SLC24A4: variants seen among roughly 807,000 people sequenced by gnomAD.
SLC24A4 encodes the protein sodium/potassium/calcium exchanger 4.
Under a neutral mutation model 79.0 loss-of-function variants are expected in SLC24A4, and 53 were observed. The observed-to-expected ratio is 0.67, with a 90% confidence interval of 0.54 to 0.84. SLC24A4 has a LOEUF of 0.84. Ranked by LOEUF, SLC24A4 falls within the 40% of genes least tolerant of loss-of-function variation. The pLI is 0.00. For missense variants in SLC24A4, 731 were observed against 822.0 expected (o/e 0.89, Z 1.35); for synonymous variants, 323 against 323.8 (o/e 1.00, Z 0.03).
At chr14:92,325,204 C>T (rs1002119321) in intron 1 of SLC24A4, among the ~76,000 whole-genome samples, 4 of 152,186 alleles carry the variant, frequency 2.6e-5, no homozygotes, top group Non-Finnish European at 5.9e-5. Context: ...AATGAATACT[C>T]TGAAGGTCTT....
chr14:92,492,926 T>G (rs933584025), intron 16 of SLC24A4: 1 of 450,520 alleles, frequency 2.2e-6, no homozygotes, highest in South Asian at 1.6e-5. Flanking sequence ...GGGAGGAATG[T>G]AAGATAATTC....
Position 92,376,816 on chromosome 14 carries a change from T to C in SLC24A4, c.241+50838T>C, listed in dbSNP as rs1331603414. Among the ~76,000 whole-genome samples, 5 of 152,264 alleles carry C rather than the reference T, an allele frequency of 3.3e-5. No homozygotes were observed. In the East Asian group the frequency reaches 7.7e-4, roughly 23 times the overall value. ...GGCAATGTCTGGAGACATTTTTGGT[T>C]GTCACAACCTGGGGCAAGGCAGGGG... On this transcript the variant is annotated intron_variant, in intron 2 of 16. Coordinates refer to ENST00000532405, the MANE Select transcript of SLC24A4 (RefSeq NM_153646.4).
chr14:92,355,018 G>A (rs1025249444), intron 2 of SLC24A4, among the ~76,000 whole-genome samples: 5 of 152,212 alleles, frequency 3.3e-5, no homozygotes, highest in African/African-American at 1.2e-4. Flanking sequence ...AGGTTGGAGT[G>A]AGCTGAGATG....
chr14:92,486,601 A>G, intron 13 of SLC24A4, 65 bp from the exon 14 acceptor site: 1 of 986,596 alleles, frequency 1.0e-6, no homozygotes, highest in South Asian at 1.3e-5. Context: ...CTCTAATACT[A>G]GGAATATTTC....
At chr14:92,474,432 G>A (rs1894598569) in intron 12 of SLC24A4, among the ~76,000 whole-genome samples, 1 of 152,068 alleles carries the variant, frequency 6.6e-6, no homozygotes, top group Non-Finnish European at 1.5e-5. Flanking sequence ...TTTCTTCCAA[G>A]CCAGACATTG....
intron 2 of SLC24A4, among the ~76,000 whole-genome samples, chr14:92,340,168 G>T (rs535946715): frequency 6.6e-6 from 1 of 152,340 alleles, no homozygotes; most frequent in South Asian, 2.1e-4. Context: ...GGCTTATATT[G>T]TATATTCTGT....
At chr14:92,466,251 A>G (rs1894112197) in intron 12 of SLC24A4, among the ~76,000 whole-genome samples, 1 of 152,242 alleles carries the variant, frequency 6.6e-6, no homozygotes, top group Non-Finnish European at 1.5e-5. Context: ...CATGGTTAAT[A>G]TCAGCAGTAG....
At chr14:92,345,070 G>C (rs1010615386) in intron 2 of SLC24A4, among the ~76,000 whole-genome samples, 4 of 152,132 alleles carry the variant, frequency 2.6e-5, no homozygotes, top group African/African-American at 9.7e-5. Flanking sequence ...TAGAGTGCAG[G>C]GTGGGCCCAA....
In SLC24A4 at chr14:92,457,712, G is replaced by A. The variant is rs572823689; in HGVS notation, c.1255+1104G>A. ...AGTGGGAAACAAAGGCCCGAGCTAA[G>A]CTGTTTGGCCCCATTCTTGGAGGCG... On this transcript the variant is annotated intron_variant, in intron 12 of 16. Transcript: ENST00000532405. The A allele has an allele frequency of 2.6e-5, 4 of 152,552 alleles. No homozygotes were observed. In the East Asian group the frequency reaches 7.7e-4, roughly 29 times the overall value. 9.4% of individuals were successfully genotyped at this position (152,552 alleles called of 1,614,324 possible).
intron 2 of SLC24A4, among the ~76,000 whole-genome samples, chr14:92,430,550 C>T (rs1399353955): frequency 6.6e-6 from 1 of 152,230 alleles, no homozygotes; most frequent in African/African-American, 2.4e-5. Flanking sequence ...CTCCAGCTTC[C>T]CTGGGCCCTG....
intron 2 of SLC24A4, among the ~76,000 whole-genome samples, chr14:92,363,161 G>GA (rs1887631312): frequency 1.3e-5 from 2 of 152,240 alleles, no homozygotes; most frequent in African/African-American, 4.8e-5. Context: ...GCATGACTCA[G>GA]ACCGACTGCT....
At chr14:92,444,979 A>G (rs935192703) in intron 7 of SLC24A4, among the ~76,000 whole-genome samples, 7 of 149,400 alleles carry the variant, frequency 4.7e-5, no homozygotes, top group African/African-American at 1.7e-4. Context: ...ACACTTAGCT[A>G]TCTTTCAGTC....
intron 13 of SLC24A4, among the ~76,000 whole-genome samples, chr14:92,486,335 C>T (rs1434423304): frequency 6.6e-6 from 1 of 152,094 alleles, no homozygotes; most frequent in African/African-American, 2.4e-5. Flanking sequence ...GAATCTGCTT[C>T]CTGGTCTGAA....
At chr14:92,326,579 C>G (rs943504582) in intron 2 of SLC24A4, among the ~76,000 whole-genome samples, 1 of 152,198 alleles carries the variant, frequency 6.6e-6, no homozygotes, top group Non-Finnish European at 1.5e-5. Context: ...GACATCTTGT[C>G]TGTTCTCCTG....
At chr14:92,396,676 T>C (rs1270021167) in intron 2 of SLC24A4, among the ~76,000 whole-genome samples, 1 of 152,216 alleles carries the variant, frequency 6.6e-6, no homozygotes, top group Non-Finnish European at 1.5e-5. Flanking sequence ...AGCCCTATTA[T>C]CTGGGATTGG....
chr14:92,405,299 A>G lies in SLC24A4; in HGVS notation c.242-28613A>G, dbSNP rs1595228888. Among the ~76,000 whole-genome samples the G allele has an allele frequency of 2.0e-5, 3 of 152,222 alleles. No individual in the cohort carries two copies. In the South Asian group the frequency reaches 6.2e-4, roughly 32 times the overall value. On this transcript the variant is annotated intron_variant, in intron 2 of 16. Coordinates refer to ENST00000532405, the MANE Select transcript of SLC24A4 (RefSeq NM_153646.4). The stretch of plus-strand genomic sequence containing the variant: ...ATGGGTAAATTTAAGAACAGGCCAT[A>G]GGAGCTGTTTGTGTTTGTAAAAAAG...
intron 3 of SLC24A4, among the ~76,000 whole-genome samples, chr14:92,436,832 T>C (rs1892201692): frequency 6.6e-6 from 1 of 152,150 alleles, no homozygotes; most frequent in African/African-American, 2.4e-5. Context: ...TGAGTGTGAA[T>C]TCAAGTCAGA....
intron 2 of SLC24A4, among the ~76,000 whole-genome samples, chr14:92,367,026 C>T (rs556587217): frequency 1.1e-4 from 16 of 152,250 alleles, no homozygotes; most frequent in Non-Finnish European, 2.1e-4. Flanking sequence ...TGGGGTGGGA[C>T]GTTCCAGAAG....
At chr14:92,466,690 A>G (rs1395685009) in intron 12 of SLC24A4, among the ~76,000 whole-genome samples, 1 of 152,220 alleles carries the variant, frequency 6.6e-6, no homozygotes, top group Non-Finnish European at 1.5e-5. Flanking sequence ...ATGGGGCTCT[A>G]ATCTGACAGT....
Sources: allele counts gnomAD v4.1 joint callset (sites outside exome capture counted in the v4.1 genomes callset), GRCh38; gene constraint gnomAD v4.1.1; transcripts MANE v1.5; gene names NCBI Gene and HGNC (gene_info 2026-07-23, HGNC 2026-07-21).